SPOCK1: variants seen among roughly 807,000 people sequenced by gnomAD.
SPOCK1 encodes testican-1.
SPOCK1 carries 23 observed loss-of-function variants against 55.3 expected under a neutral mutation model. That is an observed-to-expected ratio of 0.42 (90% CI 0.30 to 0.59). SPOCK1 has a LOEUF of 0.59. Among genes scored for constraint, SPOCK1 ranks in the 20% least tolerant of loss-of-function variants. The pLI, the probability that SPOCK1 is intolerant of heterozygous loss-of-function variation, is 0.22. For synonymous variants in SPOCK1, 226 were observed against 221.0 expected (o/e 1.02, Z -0.20); for missense variants, 499 against 552.5 (o/e 0.90, Z 0.97).
intron 2 of SPOCK1, among the ~76,000 whole-genome samples, chr5:137,358,540 G>T (rs1300179897): frequency 1.3e-5 from 2 of 149,454 alleles, no homozygotes; most frequent in African/African-American, 4.9e-5. Context: ...GGGGAAGGAA[G>T]AGGGGAAGGT....
chr5:137,442,356 C>CT (rs1753033067), intron 2 of SPOCK1, among the ~76,000 whole-genome samples: 1 of 152,190 alleles, frequency 6.6e-6, no homozygotes, highest in South Asian at 2.1e-4. Flanking sequence ...TAGAGAGTAA[C>CT]TGGGAAGGCC....
chr5:137,438,493 T>C (rs1279802202), intron 2 of SPOCK1, among the ~76,000 whole-genome samples: 1 of 152,244 alleles, frequency 6.6e-6, no homozygotes, highest in East Asian at 1.9e-4. Context: ...GTCCTCAAAG[T>C]AGTGAATGCA....
At chr5:137,457,741 G>T (rs1158930983) in intron 2 of SPOCK1, among the ~76,000 whole-genome samples, 2 of 152,154 alleles carry the variant, frequency 1.3e-5, no homozygotes, top group East Asian at 3.8e-4. Context: ...TACCTTCACA[G>T]AATTACTACA....
chr5:137,254,280 A>C (rs2127108288), intron 3 of SPOCK1, among the ~76,000 whole-genome samples: 1 of 152,272 alleles, frequency 6.6e-6, no homozygotes, highest in East Asian at 1.9e-4. Flanking sequence ...GTGGATTTCT[A>C]TTGGTATTTT....
At chr5:137,384,958 G>A (rs76841393) in intron 2 of SPOCK1, among the ~76,000 whole-genome samples, 8 of 151,546 alleles carry the variant, frequency 5.3e-5, no homozygotes, top group African/African-American at 1.9e-4. Context: ...ACTGTAGGAT[G>A]GGGGGGGCGG....
At chr5:137,099,911 G>A (rs148095076) in intron 5 of SPOCK1, among the ~76,000 whole-genome samples, 1 of 152,076 alleles carries the variant, frequency 6.6e-6, no homozygotes, top group Non-Finnish European at 1.5e-5. Flanking sequence ...CCCACCCCCC[G>A]GAGTCATGGT....
At chr5:136,981,692 C>T (rs1232230285) in intron 9 of SPOCK1, among the ~76,000 whole-genome samples, 21 of 152,112 alleles carry the variant, frequency 1.4e-4, no homozygotes, top group Admixed American at 1.4e-3. Context: ...TTGTTTTCTT[C>T]TGTGGTACGG....
At chr5:137,062,525 A>AAATAAT (rs71583272) in intron 6 of SPOCK1, among the ~76,000 whole-genome samples, 30,243 of 143,284 alleles carry the variant, frequency 0.21, 3,250 homozygotes, top group Admixed American at 0.23. Context: ...CAAGCATTAT[A>AAATAAT]AATAATAATA....
chr5:136,982,470 C>T (rs1750751204), intron 9 of SPOCK1, among the ~76,000 whole-genome samples: 1 of 152,126 alleles, frequency 6.6e-6, no homozygotes, highest in Non-Finnish European at 1.5e-5. Flanking sequence ...TATCTGTTTC[C>T]TACTTACTAA....
chr5:137,085,729 C>T (rs1322690426), intron 5 of SPOCK1, among the ~76,000 whole-genome samples: 1 of 152,214 alleles, frequency 6.6e-6, no homozygotes, highest in Non-Finnish European at 1.5e-5. Flanking sequence ...TAAAGTTGAG[C>T]TTTGCATCCA....
intron 2 of SPOCK1, among the ~76,000 whole-genome samples, chr5:137,372,799 A>G (rs1200789603): frequency 6.6e-6 from 1 of 152,236 alleles, no homozygotes. Context: ...AAGGACAAGC[A>G]CCAGGCAAAA....
intron 2 of SPOCK1, among the ~76,000 whole-genome samples, chr5:137,453,826 A>AG: frequency 6.6e-6 from 1 of 152,280 alleles, no homozygotes; most frequent in South Asian, 2.1e-4. Context: ...GTGGGGGTAC[A>AG]GGGGGTGCAG....
At chr5:137,275,919 G>A (rs1045642163) in intron 2 of SPOCK1, among the ~76,000 whole-genome samples, 2 of 152,122 alleles carry the variant, frequency 1.3e-5, no homozygotes, top group South Asian at 2.1e-4. Flanking sequence ...CTTGGGTCAG[G>A]CCTCCACAAT....
chr5:137,421,895 A>G (rs1403979814), intron 2 of SPOCK1, among the ~76,000 whole-genome samples: 1 of 152,208 alleles, frequency 6.6e-6, no homozygotes, highest in African/African-American at 2.4e-5. Context: ...CCCAGCCTCA[A>G]TGGTCTTTAC....
At chr5:137,376,366 C>A (rs1480674819) in intron 2 of SPOCK1, among the ~76,000 whole-genome samples, 1 of 152,192 alleles carries the variant, frequency 6.6e-6, no homozygotes, top group Non-Finnish European at 1.5e-5. Flanking sequence ...AGCCGGCCTG[C>A]CAAGAATCAC....
chr5:137,011,672 A>G (rs1251150995), intron 6 of SPOCK1, among the ~76,000 whole-genome samples: 1 of 152,234 alleles, frequency 6.6e-6, no homozygotes, highest in East Asian at 1.9e-4. Flanking sequence ...CTGATAATGT[A>G]ATTAAAAATA....
chr5:137,167,573 A>C (rs1754673324), intron 3 of SPOCK1, among the ~76,000 whole-genome samples: 1 of 152,112 alleles, frequency 6.6e-6, no homozygotes, highest in Non-Finnish European at 1.5e-5. Context: ...GTTAGGTCAC[A>C]AAACAAAACT....
intron 6 of SPOCK1, among the ~76,000 whole-genome samples, chr5:137,056,163 T>C (rs1209679415): frequency 6.6e-6 from 1 of 152,130 alleles, no homozygotes; most frequent in African/African-American, 2.4e-5. Flanking sequence ...TAGGAAAAGC[T>C]GGAGCTGAAG....
At chr5:137,405,291 A>G (rs560934303) in intron 2 of SPOCK1, among the ~76,000 whole-genome samples, 1 of 152,322 alleles carries the variant, frequency 6.6e-6, no homozygotes, top group Non-Finnish European at 1.5e-5. Flanking sequence ...TCATCAATTC[A>G]TATAATTACT....
Sources: allele counts gnomAD v4.1 joint callset (sites outside exome capture counted in the v4.1 genomes callset), GRCh38; gene constraint gnomAD v4.1.1; transcripts MANE v1.5; gene names NCBI Gene and HGNC (gene_info 2026-07-23, HGNC 2026-07-21).